Variants in PPP4R4 observed in about 807,000 individuals in gnomAD.
The protein encoded by PPP4R4 is serine/threonine-protein phosphatase 4 regulatory subunit 4.
PPP4R4 carries 70 observed loss-of-function variants against 121.8 expected under a neutral mutation model. That is an observed-to-expected ratio of 0.57 (90% CI 0.47 to 0.70). PPP4R4 has a LOEUF of 0.70. Ranked by LOEUF, PPP4R4 falls within the 30% of genes least tolerant of loss-of-function variation. The probability of loss-of-function intolerance (pLI) is 0.00; values close to 1 mark genes in which losing one functional copy is unlikely to be tolerated. For missense variants in PPP4R4, 875 were observed against 1,033.6 expected, an observed-to-expected ratio of 0.85 and a Z score of 2.10; for synonymous variants, 348 against 355.7, an observed-to-expected ratio of 0.98 and a Z score of 0.24.
In PPP4R4 at chr14:94,254,708, G is replaced by A. The variant is rs118044068; in HGVS notation, c.1866-1752G>A. 1.8e-3 allele frequency among the ~76,000 whole-genome samples: 276 copies of A among 152,250 alleles called. 3 individuals are homozygous for A. The South Asian group carries it at 0.029, about 16-fold the overall frequency. On this transcript the variant is annotated intron_variant, in intron 16 of 24. Coordinates refer to ENST00000304338, the MANE Select transcript of PPP4R4 (RefSeq NM_058237.2). ...GCATTCAGATGAATAAATGAATATAGCAGCTATAAAATAGATACCCACCTA... is the reference window on the plus strand; with the variant it reads ...GCATTCAGATGAATAAATGAATATAACAGCTATAAAATAGATACCCACCTA...
At chr14:94,231,578 A>G (rs764888947) in intron 5 of PPP4R4, among the ~76,000 whole-genome samples, 11 of 152,120 alleles carry the variant, frequency 7.2e-5, no homozygotes, top group Non-Finnish European at 1.6e-4. Flanking sequence ...TTGGCTTGCT[A>G]TATCAGTGAT....
intron 2 of PPP4R4, among the ~76,000 whole-genome samples, chr14:94,195,690 C>G (rs1889833255): frequency 1.3e-5 from 2 of 151,876 alleles, no homozygotes; most frequent in Admixed American, 1.3e-4. Context: ...AAAAATGTCC[C>G]TAGACCATGA....
chr14:94,190,088 C>G (rs1021359929), intron 2 of PPP4R4, among the ~76,000 whole-genome samples: 1 of 150,594 alleles, frequency 6.6e-6, no homozygotes, highest in Non-Finnish European at 1.5e-5. Flanking sequence ...CTATATTGCC[C>G]AGCTGGTCTC....
At chr14:94,235,911 C>T (rs1215458725) in intron 7 of PPP4R4, among the ~76,000 whole-genome samples, 1 of 152,134 alleles carries the variant, frequency 6.6e-6, no homozygotes, top group South Asian at 2.1e-4. Context: ...GCAGAAGTTG[C>T]ACTGATTTCA....
intron 15 of PPP4R4, among the ~76,000 whole-genome samples, chr14:94,250,989 G>C (rs1051297132): frequency 2.6e-5 from 4 of 151,874 alleles, no homozygotes; most frequent in African/African-American, 9.7e-5. Flanking sequence ...CAAAAAATTA[G>C]AGTACTTTTA....
At chr14:94,253,206 C>T (rs540564219) in intron 16 of PPP4R4, among the ~76,000 whole-genome samples, 1 of 152,178 alleles carries the variant, frequency 6.6e-6, no homozygotes, top group Non-Finnish European at 1.5e-5. Flanking sequence ...GCCTGTAAAT[C>T]CCAGCACTTT....
intron 3 of PPP4R4, among the ~76,000 whole-genome samples, chr14:94,221,371 G>C (rs1891379490): frequency 6.6e-6 from 1 of 152,046 alleles, no homozygotes; most frequent in African/African-American, 2.4e-5. Context: ...TGATAAATTA[G>C]ATCTGTTCTT....
chr14:94,174,710 C>A, intron 1 of PPP4R4, 128 bp downstream of exon 1: 4 of 1,436,438 alleles, frequency 2.8e-6, no homozygotes, highest in South Asian at 1.4e-5. Context: ...TCAGTCGGGC[C>A]GGCCCCTCCT....
Position 94,223,955 on chromosome 14 carries a change from C to G in PPP4R4, c.295-6632C>G, listed in dbSNP as rs191757491. 1.0e-3 allele frequency among the ~76,000 whole-genome samples: 159 copies of G among 152,194 alleles called. 3 individuals are homozygous for G. The highest frequency in any genetic ancestry group is 8.8e-3 in the Admixed American group (135 of 15,290). ...ACAATACGTTAGAAGTAATCAAGAA[C>G]CTAAAATTAAATATTTTGCCAAAAC... On this transcript the variant is annotated intron_variant, in intron 3 of 24. Transcript: ENST00000304338.
At chr14:94,192,977 G>A (rs867398714) in intron 2 of PPP4R4, among the ~76,000 whole-genome samples, 7 of 152,142 alleles carry the variant, frequency 4.6e-5, no homozygotes, top group Admixed American at 3.9e-4. Flanking sequence ...CTTATTCTTC[G>A]TGGAGGAGGG....
At chr14:94,235,411 T>C (rs1298384687) in intron 7 of PPP4R4, among the ~76,000 whole-genome samples, 2 of 136,512 alleles carry the variant, frequency 1.5e-5, no homozygotes, top group Non-Finnish European at 3.1e-5. Context: ...TTTTTTTTTT[T>C]TTTTTTGAGA....
At chr14:94,188,909 A>G (rs1431734180) in intron 2 of PPP4R4, among the ~76,000 whole-genome samples, 2 of 152,188 alleles carry the variant, frequency 1.3e-5, no homozygotes, top group African/African-American at 2.4e-5. Flanking sequence ...ATCACATTGT[A>G]TATCTTGAAT....
At chr14:94,209,930 T>C (rs1264747338) in intron 3 of PPP4R4, among the ~76,000 whole-genome samples, 1 of 152,104 alleles carries the variant, frequency 6.6e-6, no homozygotes, top group African/African-American at 2.4e-5. Flanking sequence ...AGCAGTGAAC[T>C]TTAGAGGTCT....
At chr14:94,189,563 G>T (rs1412828049) in intron 2 of PPP4R4, among the ~76,000 whole-genome samples, 1 of 152,148 alleles carries the variant, frequency 6.6e-6, no homozygotes, top group East Asian at 1.9e-4. Flanking sequence ...CTGGATTTCA[G>T]TCATCATTTC....
chr14:94,275,605 AAAG>A, intron 24 of PPP4R4, 84 bp downstream of exon 24: 1 of 1,425,086 alleles, frequency 7.0e-7, no homozygotes, highest in Non-Finnish European at 9.7e-7. Context: ...AGTACTTTCC[AAAG>A]AATAGAAAAT....
At chr14:94,229,176 A>G (rs1566673657) in intron 3 of PPP4R4, among the ~76,000 whole-genome samples, 1 of 152,172 alleles carries the variant, frequency 6.6e-6, no homozygotes, top group Admixed American at 6.5e-5. Context: ...ATAGTAGAGG[A>G]ACAGTGATGG....
Position 94,251,894 on chromosome 14 carries a change from G to T in PPP4R4, c.1863G>T (p.Val621=). Residue 621 remains valine, a splice_region_variant and synonymous_variant, in exon 16 of 25, where the codon GTG becomes GTT. Coordinates refer to ENST00000304338, the MANE Select transcript of PPP4R4 (RefSeq NM_058237.2). ...IELTHDPVAN[V]RMKLCYLLPK... is the part of the protein sequence containing the mutation. The stretch of plus-strand genomic sequence containing the variant: ...TGACACATGATCCAGTAGCAAATGT[G>T]AGGTATGTTATCAATGAAGGAAAAT... 6.3e-7 allele frequency: 1 copy of T among 1,576,820 alleles called. No homozygotes were observed. The highest frequency in any genetic ancestry group is 1.9e-5 in the Admixed American group (1 of 53,128).
At chr14:94,185,132 G>T (rs903747931) in intron 2 of PPP4R4, among the ~76,000 whole-genome samples, 2 of 152,224 alleles carry the variant, frequency 1.3e-5, no homozygotes, top group African/African-American at 4.8e-5. Flanking sequence ...CTTGGAGGCT[G>T]AGGCTTGCTC....
At chr14:94,253,555 T>C (rs1396249963) in intron 16 of PPP4R4, among the ~76,000 whole-genome samples, 2 of 152,224 alleles carry the variant, frequency 1.3e-5, no homozygotes, top group Non-Finnish European at 2.9e-5. Flanking sequence ...AAAATTGTGA[T>C]TCTATAAAAG....
Sources: allele counts gnomAD v4.1 joint callset (sites outside exome capture counted in the v4.1 genomes callset), GRCh38; gene constraint gnomAD v4.1.1; transcripts MANE v1.5; gene names NCBI Gene and HGNC (gene_info 2026-07-23, HGNC 2026-07-21).